The following NWD2 variants were observed in gnomAD, a reference collection of about 807,000 sequenced individuals.
NWD2 encodes the protein NACHT and WD repeat domain-containing protein 2.
NWD2 carries 37 observed loss-of-function variants against 132.7 expected under a neutral mutation model. The observed-to-expected ratio is 0.28, with a 90% confidence interval of 0.21 to 0.37. NWD2 has a LOEUF of 0.37. NWD2 is among the 10% of genes least tolerant of loss of function. NWD2 has a pLI of 1.00. For missense variants in NWD2, 1,592 were observed against 2,122.4 expected (o/e 0.75, Z 4.91); for synonymous variants, 705 against 803.0 (o/e 0.88, Z 2.06).
rs1718585871 is a variant in NWD2 at position 37,300,196 on chromosome 4, C to T, written c.152-25740C>T. 3.9e-5 allele frequency among the ~76,000 whole-genome samples: 6 copies of T among 152,182 alleles called. No homozygotes were observed. The South Asian group carries it at 1.2e-3, about 32-fold the overall frequency. On this transcript the variant is annotated intron_variant, in intron 1 of 6. Coordinates refer to ENST00000309447, the MANE Select transcript of NWD2 (RefSeq NM_001144990.2). Reference sequence around the variant, plus strand: ...GTGCTTCAGTAGCACTTTGCTTATACTCTGTTTCAGACCTTGCTATGCATT... The same window carrying T: ...GTGCTTCAGTAGCACTTTGCTTATATTCTGTTTCAGACCTTGCTATGCATT...
intron 3 of NWD2, among the ~76,000 whole-genome samples, chr4:37,420,084 TC>T (rs1711759273): frequency 6.6e-6 from 1 of 152,218 alleles, no homozygotes; most frequent in Non-Finnish European, 1.5e-5. Context: ...ATTTGTGCTT[TC>T]ATTTGCAGTT....
chr4:37,388,635 CATATATAA>C (rs1040376986), intron 3 of NWD2, among the ~76,000 whole-genome samples: 1 of 146,000 alleles, frequency 6.8e-6, no homozygotes, highest in African/African-American at 2.5e-5. Context: ...TGTTATATAT[CATATATAA>C]ATATATATAT....
chr4:37,366,370 A>G (rs1176300266), intron 3 of NWD2, among the ~76,000 whole-genome samples: 1 of 152,176 alleles, frequency 6.6e-6, no homozygotes, highest in African/African-American at 2.4e-5. Context: ...CCATTGCCCT[A>G]TCAGTCTAAC....
intron 2 of NWD2, among the ~76,000 whole-genome samples, chr4:37,349,258 A>G (rs1719714637): frequency 6.6e-6 from 1 of 152,180 alleles, no homozygotes; most frequent in African/African-American, 2.4e-5. Flanking sequence ...GAATCGCCAC[A>G]CTGTCTTCCA....
chr4:37,413,190 C>T (rs577093334), intron 3 of NWD2, among the ~76,000 whole-genome samples: 25 of 152,250 alleles, frequency 1.6e-4, no homozygotes, highest in South Asian at 6.2e-4. Context: ...AGGCAGCCTA[C>T]GGAATGGGAG....
At chr4:37,255,891 G>A (rs888359050) in intron 1 of NWD2, among the ~76,000 whole-genome samples, 1 of 152,184 alleles carries the variant, frequency 6.6e-6, no homozygotes, top group African/African-American at 2.4e-5. Flanking sequence ...CAGGTGGCAC[G>A]AGCTGTGGTT....
intron 1 of NWD2, among the ~76,000 whole-genome samples, chr4:37,296,649 A>G (rs557837384): frequency 6.6e-6 from 1 of 152,244 alleles, no homozygotes; most frequent in South Asian, 2.1e-4. Context: ...ATGAGTACAT[A>G]GACATACAGA....
chr4:37,277,079 A>G (rs567912411), intron 1 of NWD2, among the ~76,000 whole-genome samples: 8 of 151,992 alleles, frequency 5.3e-5, no homozygotes, highest in South Asian at 2.1e-4. Context: ...GCACATGTAC[A>G]TATGTAACAA....
chr4:37,260,816 A>G (rs914324075), intron 1 of NWD2, among the ~76,000 whole-genome samples: 1 of 152,158 alleles, frequency 6.6e-6, no homozygotes, highest in Non-Finnish European at 1.5e-5. Flanking sequence ...CAGAGTGTGA[A>G]CCCTTGGATA....
chr4:37,293,378 G>T (rs947801347), intron 1 of NWD2, among the ~76,000 whole-genome samples: 7 of 152,180 alleles, frequency 4.6e-5, no homozygotes, highest in African/African-American at 1.7e-4. Context: ...ACAGTACTTT[G>T]TACATGGCAA....
At chr4:37,330,884 A>G (rs74480052) in intron 2 of NWD2, among the ~76,000 whole-genome samples, 2 of 95,554 alleles carry the variant, frequency 2.1e-5, no homozygotes, top group East Asian at 3.8e-4. Context: ...CAATACCACC[A>G]GAATCATCAC....
chr4:37,326,531 T>A (rs1719176137), intron 2 of NWD2, among the ~76,000 whole-genome samples: 1 of 152,334 alleles, frequency 6.6e-6, no homozygotes, highest in South Asian at 2.1e-4. Flanking sequence ...TATATCAGCC[T>A]TTCAAGAGAC....
chr4:37,367,241 A>G (rs759986027), intron 3 of NWD2, among the ~76,000 whole-genome samples: 7 of 152,194 alleles, frequency 4.6e-5, no homozygotes, highest in Non-Finnish European at 1.0e-4. Flanking sequence ...TATGGGTCAA[A>G]GTAGAAAAAT....
intron 1 of NWD2, among the ~76,000 whole-genome samples, chr4:37,302,461 C>A (rs1334464597): frequency 2.0e-5 from 3 of 151,924 alleles, no homozygotes; most frequent in African/African-American, 7.2e-5. Context: ...ATTTCCTTTT[C>A]TTTGGATAAA....
intron 1 of NWD2, among the ~76,000 whole-genome samples, chr4:37,252,713 A>G (rs771372849): frequency 6.6e-6 from 1 of 152,172 alleles, no homozygotes; most frequent in African/African-American, 2.4e-5. Context: ...CCATGAGGGT[A>G]TTCTCTCCAT....
intron 1 of NWD2, among the ~76,000 whole-genome samples, chr4:37,249,422 T>G (rs1287626307): frequency 6.6e-6 from 1 of 152,206 alleles, no homozygotes; most frequent in Non-Finnish European, 1.5e-5. Flanking sequence ...TTAGACAGGC[T>G]TTACTCCCAG....
chr4:37,356,889 GA>G (rs1719882087), intron 3 of NWD2, among the ~76,000 whole-genome samples: 1 of 152,146 alleles, frequency 6.6e-6, no homozygotes, highest in African/African-American at 2.4e-5. Flanking sequence ...CAAAATGGCT[GA>G]AACATTGTTA....
intron 3 of NWD2, among the ~76,000 whole-genome samples, chr4:37,358,590 T>C (rs1255650666): frequency 1.3e-5 from 2 of 152,166 alleles, no homozygotes; most frequent in Non-Finnish European, 2.9e-5. Context: ...ACCTGATATT[T>C]CATAGCTGTG....
At chr4:37,427,940 T>C (rs2109325096) in intron 3 of NWD2, among the ~76,000 whole-genome samples, 1 of 152,368 alleles carries the variant, frequency 6.6e-6, no homozygotes, top group African/African-American at 2.4e-5. Flanking sequence ...TATTGAGAGC[T>C]GAACTATTTT....
Sources: allele counts gnomAD v4.1 joint callset (sites outside exome capture counted in the v4.1 genomes callset), GRCh38; gene constraint gnomAD v4.1.1; transcripts MANE v1.5; gene names NCBI Gene and HGNC (gene_info 2026-07-23, HGNC 2026-07-21).